TMEM109: variants seen among roughly 807,000 people sequenced by gnomAD.
TMEM109 encodes the protein transmembrane protein 109.
Under a neutral mutation model 26.4 loss-of-function variants are expected in TMEM109, and 19 were observed. The ratio of observed to expected loss-of-function variants is 0.72; its 90% CI spans 0.50 to 1.06. TMEM109 has a LOEUF of 1.06. Ranked by LOEUF, TMEM109 falls within the 50% of genes least tolerant of loss-of-function variation. The probability of loss-of-function intolerance (pLI) is 0.00; values close to 1 mark genes in which losing one functional copy is unlikely to be tolerated. For missense variants in TMEM109, 262 were observed against 303.4 expected, an observed-to-expected ratio of 0.86 and a Z score of 1.01; for synonymous variants, 129 against 142.0, an observed-to-expected ratio of 0.91 and a Z score of 0.65.
chr11:60,920,622 GT>G (rs1209885370), intron 2 of TMEM109, among the ~76,000 whole-genome samples: 1 of 152,196 alleles, frequency 6.6e-6, no homozygotes, highest in Non-Finnish European at 1.5e-5. Context: ...CAGCAAAGCA[GT>G]TAAATTATGT....
intron 1 of TMEM109, among the ~76,000 whole-genome samples, chr11:60,914,546 G>A (rs1382704750): frequency 2.6e-5 from 4 of 152,206 alleles, no homozygotes; most frequent in African/African-American, 7.2e-5. Context: ...CCGGGCGTGG[G>A]GACCAGGCCA....
rs1412583060 is a variant in TMEM109 at position 60,922,483 on chromosome 11, C to T, written c.*318C>T. 5 of 932,576 alleles carry T rather than the reference C, an allele frequency of 5.4e-6. No homozygotes were observed. Among genetic ancestry groups the T allele is most frequent in the South Asian group, 1.5e-5 (1 of 65,920 alleles). The allele number at this position is 932,576 out of a possible 1,614,324, so 57.8% of individuals were successfully genotyped here. A position where few individuals can be genotyped will look rare whatever the true frequency, so the allele number is the denominator to read the frequency against. Reference sequence around the variant, plus strand: ...CATCTGCGCCAGCAAACATCACTGCCGTTGGTCTCTCATGACTTAACTGGC... The same window carrying T: ...CATCTGCGCCAGCAAACATCACTGCTGTTGGTCTCTCATGACTTAACTGGC... On this transcript the variant is annotated 3_prime_UTR_variant, in exon 4 of 4. Coordinates refer to ENST00000227525, the MANE Select transcript of TMEM109 (RefSeq NM_024092.3).
chr11:60,921,593 C>T (rs1284401604), intron 3 of TMEM109, among the ~76,000 whole-genome samples, 181 bp from the exon 4 acceptor site: 3 of 152,236 alleles, frequency 2.0e-5, no homozygotes, highest in Admixed American at 2.0e-4. Flanking sequence ...AAGTAATCTA[C>T]TCCAGGCCTC....
Position 60,921,385 on chromosome 11 carries a change from A to C in TMEM109, c.341-389A>C, listed in dbSNP as rs1180854169. Among the ~76,000 whole-genome samples the C allele has an allele frequency of 2.0e-5, 3 of 151,908 alleles. No individual in the cohort carries two copies. The East Asian group carries it at 5.8e-4, about 29-fold the overall frequency. On this transcript the variant is annotated intron_variant, in intron 3 of 3. Coordinates refer to ENST00000227525, the MANE Select transcript of TMEM109 (RefSeq NM_024092.3). ...CAGTGAGCCGGGATCACGTCACTGC[A>C]CTCCAGCCTCGGCGATGGAGCAAAA...
chr11:60,921,429 C>T (rs926658241), intron 3 of TMEM109, among the ~76,000 whole-genome samples: 16 of 152,068 alleles, frequency 1.1e-4, no homozygotes, highest in African/African-American at 3.9e-4. Context: ...CACCCAGACC[C>T]CCTAAAAAAG....
intron 2 of TMEM109, 32 bp downstream of exon 2, chr11:60,919,962 C>A: frequency 1.3e-6 from 2 of 1,565,108 alleles, no homozygotes; most frequent in Non-Finnish European, 1.8e-6. Context: ...TGACTACACA[C>A]ATTAAGGAAA....
rs2134883484 is a variant in TMEM109, at chr11:60,922,346, C to T, written c.*181C>T. ...AGAAAGACCATTCCCCCTGCCTGTC[C>T]TTGCGGCCCTGTCTTCTGAGGTTCT... On this transcript the variant is annotated 3_prime_UTR_variant, in exon 4 of 4. Coordinates refer to ENST00000227525, the MANE Select transcript of TMEM109 (RefSeq NM_024092.3). The T allele has an allele frequency of 1.3e-6, 2 of 1,534,996 alleles. No individual in the cohort carries two copies. Among genetic ancestry groups the T allele is most frequent in the African/African-American group, 1.4e-5 (1 of 73,144 alleles).
chr11:60,920,184 C>T (rs565743270), intron 2 of TMEM109, among the ~76,000 whole-genome samples: 1 of 152,302 alleles, frequency 6.6e-6, no homozygotes, highest in African/African-American at 2.4e-5. Context: ...AATGAGCCAT[C>T]TTTATAAGCC....
At chr11:60,919,556 G>A in intron 1 of TMEM109, 130 bp from the exon 2 acceptor site, 1 of 732,628 alleles carries the variant, frequency 1.4e-6, no homozygotes, top group Non-Finnish European at 2.3e-6. Context: ...CCAGCTAACA[G>A]CACTTTCTTT....
At chr11:60,921,279 A>G (rs1189551806) in intron 3 of TMEM109, among the ~76,000 whole-genome samples, 1 of 152,150 alleles carries the variant, frequency 6.6e-6, no homozygotes, top group African/African-American at 2.4e-5. Flanking sequence ...AAATTAGCCA[A>G]GCATGGTGGC....
chr11:60,918,812 T>C (rs918133360), intron 1 of TMEM109: 8 of 152,204 alleles, frequency 5.3e-5, no homozygotes, highest in African/African-American at 1.9e-4. Context: ...GAGGTCACTC[T>C]GTATCAGTGG....
chr11:60,920,098 T>TTC (rs1339416957), intron 2 of TMEM109, among the ~76,000 whole-genome samples, 168 bp downstream of exon 2: 30 of 152,212 alleles, frequency 2.0e-4, no homozygotes, highest in Non-Finnish European at 4.0e-4. Flanking sequence ...CGTTATTTGA[T>TTC]TGCTGTCCTA....
chr11:60,920,871 G>T lies in TMEM109; in HGVS notation c.238-15G>T. 1 of 1,609,860 alleles carries T rather than the reference G, an allele frequency of 6.2e-7. No individual in the cohort carries two copies. Among genetic ancestry groups the T allele is most frequent in the Non-Finnish European group, 8.5e-7 (1 of 1,176,188 alleles). ...GTTCATTATGAACTCATCTCGCTCC[G>T]TGCTCTTTCCACAGTCTTCGTCCCA... On this transcript the variant is annotated splice_polypyrimidine_tract_variant and intron_variant, in intron 2 of 3. Coordinates refer to ENST00000227525, the MANE Select transcript of TMEM109 (RefSeq NM_024092.3).
chr11:60,920,952 A>G lies in TMEM109; in HGVS notation c.304A>G (p.Ile102Val). 1 of 1,614,120 alleles carries G rather than the reference A, an allele frequency of 6.2e-7. No individual in the cohort carries two copies. Among genetic ancestry groups the G allele is most frequent in the Non-Finnish European group, 8.5e-7 (1 of 1,180,008 alleles). ...TGTGGCCTTCTTTGCTCTGTCTGGG[A>G]TCGCCGCACAGCTGCTGAATGCCTT... ...ISVAFFALSG[I>V]AAQLLNALGL... Residue 102 changes from isoleucine to valine, a missense_variant, in exon 3 of 4, where the codon ATC becomes GTC. Ile to Val is a conservative substitution (Grantham distance 29). Transcript: ENST00000227525.
chr11:60,921,001 G>A lies in TMEM109; in HGVS notation c.340+13G>A. ...TTGGGACTAGCTGGTGAGTGTTCGAGTGCTGGGTAGTCAGCCAGAGCTTTG... is the reference window on the plus strand; with the variant it reads ...TTGGGACTAGCTGGTGAGTGTTCGAATGCTGGGTAGTCAGCCAGAGCTTTG... On this transcript the variant is annotated intron_variant, in intron 3 of 3. Transcript: ENST00000227525. 4 of 1,609,094 alleles carry A rather than the reference G, an allele frequency of 2.5e-6. No individual in the cohort carries two copies. The highest frequency in any genetic ancestry group is 3.4e-6 in the Non-Finnish European group (4 of 1,175,584).
At chr11:60,921,080 C>T (rs1856231831) in intron 3 of TMEM109, 92 bp downstream of exon 3, 7 of 1,149,578 alleles carry the variant, frequency 6.1e-6, no homozygotes, top group South Asian at 1.3e-5. Flanking sequence ...AGCCTTTTCC[C>T]CAAGCTGCTT....
intron 1 of TMEM109, 33 bp from the exon 2 acceptor site, chr11:60,919,653 G>A: frequency 6.5e-7 from 1 of 1,546,156 alleles, no homozygotes. Flanking sequence ...TGTCTACCAT[G>A]GCACTCAGCT....
chr11:60,921,428 C>T (rs989931100), intron 3 of TMEM109, among the ~76,000 whole-genome samples: 9 of 152,070 alleles, frequency 5.9e-5, no homozygotes, highest in Non-Finnish European at 1.3e-4. Context: ...CCACCCAGAC[C>T]CCCTAAAAAA....
chr11:60,921,755 T>A lies in TMEM109; in HGVS notation c.341-19T>A. 1 of 1,597,274 alleles carries A rather than the reference T, an allele frequency of 6.3e-7. No individual in the cohort carries two copies. The highest frequency in any genetic ancestry group is 8.5e-7 in the Non-Finnish European group (1 of 1,173,300). On this transcript the variant is annotated intron_variant, in intron 3 of 3. Coordinates refer to ENST00000227525, the MANE Select transcript of TMEM109 (RefSeq NM_024092.3). ...CACTTCTCCAGGTTGGCTGACTCTGTGACTCTCTTGGCTTCCAGGTGATTA... is the reference window on the plus strand; with the variant it reads ...CACTTCTCCAGGTTGGCTGACTCTGAGACTCTCTTGGCTTCCAGGTGATTA...
Sources: allele counts gnomAD v4.1 joint callset (sites outside exome capture counted in the v4.1 genomes callset), GRCh38; gene constraint gnomAD v4.1.1; transcripts MANE v1.5; gene names NCBI Gene and HGNC (gene_info 2026-07-23, HGNC 2026-07-21).